Variants in SLC16A9 observed in about 807,000 individuals in gnomAD.
SLC16A9 encodes solute carrier family 16 member 9.
Under a neutral mutation model 44.3 loss-of-function variants are expected in SLC16A9, and 26 were observed. That is an observed-to-expected ratio of 0.59 (90% confidence interval 0.43 to 0.81). SLC16A9 has a LOEUF of 0.81. Among genes scored for constraint, SLC16A9 ranks in the 40% least tolerant of loss-of-function variants. The pLI is 0.00. For missense variants in SLC16A9, 559 were observed against 595.8 expected (o/e 0.94, Z 0.64); for synonymous variants, 230 against 225.1 (o/e 1.02, Z -0.19).
intron 1 of SLC16A9, among the ~76,000 whole-genome samples, chr10:59,698,388 A>C (rs1347901058): frequency 6.6e-6 from 1 of 152,176 alleles, no homozygotes; most frequent in Non-Finnish European, 1.5e-5. Flanking sequence ...GGTGGTGGCA[A>C]TGCTATTAAC....
At chr10:59,681,452 G>GATGTATATGTA (rs1564705377) in intron 2 of SLC16A9, among the ~76,000 whole-genome samples, 2 of 5,270 alleles carry the variant, frequency 3.8e-4, no homozygotes, top group African/African-American at 5.1e-4. Context: ...ATGTATATGT[G>GATGTATATGTA]TATGTGTATG....
chr10:59,662,633 C>CAA (rs71006278), intron 4 of SLC16A9, among the ~76,000 whole-genome samples: 7,617 of 43,706 alleles, frequency 0.17, 763 homozygotes, highest in Middle Eastern at 0.18. Flanking sequence ...AACTCCATCT[C>CAA]AAAAAAAAAA....
In SLC16A9 at chr10:59,691,093, T is replaced by C. The variant is rs563440633; in HGVS notation, c.-36-6766A>G. ...GAGCAAGACTCCATCTCTAAATAAA[T>C]AAGTAAGTAAATAAATGAATGAAAC... On this transcript the variant is annotated intron_variant, in intron 1 of 5. Transcript: ENST00000395348. 2.0e-5 allele frequency among the ~76,000 whole-genome samples: 3 copies of C among 152,170 alleles called. No individual in the cohort carries two copies. The East Asian group carries it at 5.8e-4, about 29-fold the overall frequency.
intron 1 of SLC16A9, among the ~76,000 whole-genome samples, chr10:59,701,856 G>C (rs1227339921): frequency 1.3e-5 from 2 of 152,180 alleles, no homozygotes; most frequent in African/African-American, 4.8e-5. Context: ...CTTCAAGACT[G>C]AGCCCAAACT....
intron 1 of SLC16A9, among the ~76,000 whole-genome samples, chr10:59,708,955 C>T (rs1211461543): frequency 6.6e-6 from 1 of 152,228 alleles, no homozygotes; most frequent in African/African-American, 2.4e-5. Flanking sequence ...CAGAATCCGC[C>T]GGCCCTGCGC....
intron 2 of SLC16A9, among the ~76,000 whole-genome samples, chr10:59,677,042 A>C (rs1207372580): frequency 6.9e-6 from 1 of 144,912 alleles, no homozygotes; most frequent in Non-Finnish European, 1.5e-5. Context: ...AATGCAAGAC[A>C]GTAAGAAGAT....
intron 5 of SLC16A9, 77 bp from the exon 6 acceptor site, chr10:59,653,027 T>C (rs1020019888): frequency 8.0e-6 from 9 of 1,121,586 alleles, no homozygotes; most frequent in Non-Finnish European, 1.1e-5. Context: ...ATTATATCAG[T>C]TTTATATATA....
intron 2 of SLC16A9, among the ~76,000 whole-genome samples, chr10:59,674,326 A>G (rs755570789): frequency 5.5e-4 from 84 of 152,124 alleles, no homozygotes; most frequent in Non-Finnish European, 1.0e-3. Flanking sequence ...TTATACACAT[A>G]TTTAAGACCA....
chr10:59,652,141 G>C lies in SLC16A9; in HGVS notation c.*631C>G, dbSNP rs1021751457. 6.6e-6 allele frequency: 1 copy of C among 152,194 alleles called. No homozygotes were observed. Among genetic ancestry groups the C allele is most frequent in the African/African-American group, 2.4e-5 (1 of 41,442 alleles). 9.4% of individuals were successfully genotyped at this position (152,194 alleles called of 1,614,324 possible). ...AGGAACTGAAACAGTTGCTCAGTGG[G>C]TACCAAACAACATGCGAGTACTTCA... On this transcript the variant is annotated 3_prime_UTR_variant, in exon 6 of 6. Coordinates refer to ENST00000395348, the MANE Select transcript of SLC16A9 (RefSeq NM_194298.3).
intron 1 of SLC16A9, among the ~76,000 whole-genome samples, chr10:59,707,282 G>T (rs1287290128): frequency 2.6e-5 from 2 of 75,610 alleles, no homozygotes; most frequent in Non-Finnish European, 5.4e-5. Context: ...GAGGAGGGAA[G>T]GGAAGGGAAG....
intron 1 of SLC16A9, among the ~76,000 whole-genome samples, chr10:59,699,485 T>C (rs1397596270): frequency 6.6e-6 from 1 of 152,152 alleles, no homozygotes; most frequent in Non-Finnish European, 1.5e-5. Flanking sequence ...ATAACCCGAG[T>C]GTACATCGCA....
At chr10:59,661,596 C>A (rs1839476431) in intron 4 of SLC16A9, among the ~76,000 whole-genome samples, 1 of 152,136 alleles carries the variant, frequency 6.6e-6, no homozygotes, top group East Asian at 1.9e-4. Context: ...AGATTCAATG[C>A]TATTCCCATC....
At chr10:59,659,170 TC>T (rs759048856) in intron 4 of SLC16A9, among the ~76,000 whole-genome samples, 1 of 152,142 alleles carries the variant, frequency 6.6e-6, no homozygotes, top group Non-Finnish European at 1.5e-5. Context: ...TTTTATATTT[TC>T]CCCCTCAGTG....
At chr10:59,667,473 CAG>C (rs1297916102) in intron 3 of SLC16A9, among the ~76,000 whole-genome samples, 2 of 152,240 alleles carry the variant, frequency 1.3e-5, no homozygotes, top group East Asian at 1.9e-4. Context: ...CTTTGGAAAA[CAG>C]AGTTATTTTT....
intron 4 of SLC16A9, among the ~76,000 whole-genome samples, chr10:59,662,377 C>T (rs1839495783): frequency 6.6e-6 from 1 of 151,612 alleles, no homozygotes; most frequent in Non-Finnish European, 1.5e-5. Flanking sequence ...TGGCTCACAC[C>T]TTTAATCCCA....
chr10:59,696,712 T>C (rs1174856460), intron 1 of SLC16A9, among the ~76,000 whole-genome samples: 1 of 148,422 alleles, frequency 6.7e-6, no homozygotes, highest in Non-Finnish European at 1.5e-5. Flanking sequence ...ACCTCTGCCC[T>C]GCCGCCCCGT....
intron 1 of SLC16A9, among the ~76,000 whole-genome samples, chr10:59,697,147 G>A (rs1330240471): frequency 1.5e-5 from 2 of 134,116 alleles, no homozygotes; most frequent in Non-Finnish European, 3.3e-5. Context: ...CACCCCGTCC[G>A]GGAGGTGAGG....
chr10:59,657,763 A>T, intron 4 of SLC16A9, among the ~76,000 whole-genome samples: 1 of 152,178 alleles, frequency 6.6e-6, no homozygotes, highest in Non-Finnish European at 1.5e-5. Context: ...TTACACATAC[A>T]TCCCTTTCAT....
intron 2 of SLC16A9, among the ~76,000 whole-genome samples, chr10:59,680,456 T>C (rs1028179056): frequency 5.9e-5 from 9 of 152,212 alleles, no homozygotes; most frequent in East Asian, 3.8e-4. Context: ...TCATCTTTCA[T>C]CCTGAATGGT....
Sources: gnomAD v4.1 joint callset for allele counts (sites outside exome capture counted in the v4.1 genomes callset) on GRCh38, gnomAD v4.1.1 for gene constraint, MANE v1.5 for transcripts, NCBI Gene and HGNC (gene_info 2026-07-23, HGNC 2026-07-21) for gene names.